The following GOLGA1 variants were observed in gnomAD, a reference collection of about 807,000 sequenced individuals.
The protein encoded by GOLGA1 is golgin subfamily A member 1.
Under a neutral mutation model 119.7 loss-of-function variants are expected in GOLGA1, and 63 were observed. That is an observed-to-expected ratio of 0.53 (90% CI 0.43 to 0.65). The LOEUF (loss-of-function observed/expected upper bound fraction) is 0.65. Ranked by LOEUF, GOLGA1 falls within the 30% of genes least tolerant of loss-of-function variation. GOLGA1 has a pLI of 0.00. For synonymous variants in GOLGA1, 318 were observed against 333.4 expected (o/e 0.95, Z 0.50); for missense variants, 798 against 912.8 (o/e 0.87, Z 1.62).
At chr9:124,885,144 T>C (rs1829689632) in intron 19 of GOLGA1, among the ~76,000 whole-genome samples, 1 of 152,040 alleles carries the variant, frequency 6.6e-6, no homozygotes, top group Non-Finnish European at 1.5e-5. Context: ...CTGGCCAACA[T>C]GGTGAAACCC....
At chr9:124,918,825 T>C (rs987886374) in intron 10 of GOLGA1, among the ~76,000 whole-genome samples, 1 of 152,122 alleles carries the variant, frequency 6.6e-6, no homozygotes, top group Non-Finnish European at 1.5e-5. Context: ...TGACCCCAAA[T>C]GTACTCTCTG....
chr9:124,892,556 T>G (rs1829879612), intron 15 of GOLGA1, among the ~76,000 whole-genome samples: 1 of 152,148 alleles, frequency 6.6e-6, no homozygotes, highest in South Asian at 2.1e-4. Context: ...CAGCTCACTG[T>G]GTGAGCCACT....
intron 17 of GOLGA1, 54 bp from the exon 18 acceptor site, chr9:124,889,357 T>A: frequency 6.2e-7 from 1 of 1,601,444 alleles, no homozygotes; most frequent in Non-Finnish European, 8.6e-7. Context: ...TCCATGCTGC[T>A]TGGTGGCAAG....
chr9:124,922,890 CCAAAA>C (rs773679763), intron 8 of GOLGA1, among the ~76,000 whole-genome samples, 200 bp downstream of exon 8: 17 of 151,590 alleles, frequency 1.1e-4, no homozygotes, highest in Non-Finnish European at 2.4e-4. Context: ...AAAACAAAAC[CCAAAA>C]CAAAACAGAA....
intron 22 of GOLGA1, 47 bp from the exon 23 acceptor site, chr9:124,880,657 GT>G: frequency 8.1e-7 from 1 of 1,233,106 alleles, no homozygotes; most frequent in African/African-American, 1.5e-5. Flanking sequence ...TCAGGACTTG[GT>G]GCCAGGGAAA....
intron 10 of GOLGA1, among the ~76,000 whole-genome samples, chr9:124,918,377 T>C (rs1275849832): frequency 6.6e-6 from 1 of 152,202 alleles, no homozygotes; most frequent in Non-Finnish European, 1.5e-5. Flanking sequence ...ATTTTTAGAA[T>C]GAATGAAGAA....
Position 124,889,251 on chromosome 9 carries a change from G to C in GOLGA1, c.1653C>G (p.Ala551=), listed in dbSNP as rs1469353008. ...CCTCCTCCGCCTTGAGGGTCCTCAG[G>C]GCCTCCAGCTCGGCCTGCAGCTGGT... ...QIHQLQAELE[A]LRTLKAEEAA... Residue 551 remains alanine, a synonymous_variant, in exon 18 of 23, where the codon GCC becomes GCG. Coordinates refer to ENST00000373555, the MANE Select transcript of GOLGA1 (RefSeq NM_002077.4). 1.2e-6 allele frequency: 2 copies of C among 1,613,894 alleles called. No homozygotes were observed. Among genetic ancestry groups the C allele is most frequent in the Non-Finnish European group, 1.7e-6 (2 of 1,179,962 alleles).
At position 124,911,955 on chromosome 9, in the gene GOLGA1, C is replaced by T. The variant is rs1393410333; in HGVS notation, c.915G>A (p.Lys305=). 10 of 1,611,672 alleles carry T rather than the reference C, an allele frequency of 6.2e-6. No homozygotes were observed. Among genetic ancestry groups the T allele is most frequent in the Non-Finnish European group, 8.5e-6 (10 of 1,177,742 alleles). ...CTCCTGATAAGTTCTGTTCTAGTCT[C>T]TTCTCCAAGGATGCAACCTTCTCTT... ...HLQEKVASLE[K]RLEQNLSGEE... is the part of the protein sequence containing the mutation. Residue 305 remains lysine (K), a synonymous_variant, in exon 11 of 23, where the codon AAG becomes AAA. Transcript: ENST00000373555.
intron 10 of GOLGA1, among the ~76,000 whole-genome samples, chr9:124,914,707 T>C (rs1830408013): frequency 1.3e-5 from 2 of 152,188 alleles, no homozygotes; most frequent in African/African-American, 4.8e-5. Flanking sequence ...ACAAGGAAAC[T>C]GAAGCTTAGG....
Position 124,889,306 on chromosome 9 carries a change from A to C in GOLGA1, c.1601-3T>G. ...CTGCAGCAGGGCAGAGTTGTGACCT[A>C]GGTCGGGGAGGAGGGGAGGGGGCAC... On this transcript the variant is annotated splice_region_variant and splice_polypyrimidine_tract_variant and intron_variant, in intron 17 of 22. Coordinates refer to ENST00000373555, the MANE Select transcript of GOLGA1 (RefSeq NM_002077.4). 1 of 1,612,784 alleles carries C rather than the reference A, an allele frequency of 6.2e-7. No individual in the cohort carries two copies. The highest frequency in any genetic ancestry group is 8.5e-7 in the Non-Finnish European group (1 of 1,179,224).
At position 124,881,996 on chromosome 9, in the gene GOLGA1, G is replaced by A; in HGVS notation, c.1966-42C>T. On this transcript the variant is annotated intron_variant, in intron 20 of 22. Coordinates refer to ENST00000373555, the MANE Select transcript of GOLGA1 (RefSeq NM_002077.4). The surrounding 1 kb of genome is among the most constrained non-coding windows in gnomAD (Gnocchi z 4.9). The stretch of plus-strand genomic sequence containing the variant: ...AAAGATGCTACACCGAACCCTCTGA[G>A]ACAGGTGGAAAAAATCACACGGGAG... The A allele has an allele frequency of 1.4e-6, 2 of 1,453,744 alleles. No homozygotes were observed. The highest frequency in any genetic ancestry group is 2.1e-5 in the Admixed American group (1 of 47,822). The allele number at this position is 1,453,744 out of a possible 1,614,324, so 90.1% of individuals were successfully genotyped here. A position where few individuals can be genotyped will look rare whatever the true frequency, so the allele number is the denominator to read the frequency against.
At position 124,880,619 on chromosome 9, in the gene GOLGA1, G is replaced by A; in HGVS notation, c.2224-9C>T. 6.3e-7 allele frequency: 1 copy of A among 1,580,528 alleles called. No homozygotes were observed. Among genetic ancestry groups the A allele is most frequent in the Non-Finnish European group, 8.7e-7 (1 of 1,149,938 alleles). On this transcript the variant is annotated splice_polypyrimidine_tract_variant and intron_variant, in intron 22 of 22. Coordinates refer to ENST00000373555, the MANE Select transcript of GOLGA1 (RefSeq NM_002077.4). ...GACCCAAACCATGACATCTGCATTT[G>A]AAACAGAAAAGGCTTCTGAGATGCA...
At chr9:124,936,153 C>T (rs1445034838) in intron 3 of GOLGA1, among the ~76,000 whole-genome samples, 1 of 152,154 alleles carries the variant, frequency 6.6e-6, no homozygotes, top group Non-Finnish European at 1.5e-5. Flanking sequence ...GAAGGCAAAA[C>T]AGGTCCATCT....
intron 8 of GOLGA1, 139 bp downstream of exon 8, chr9:124,922,956 C>T (rs916306655): frequency 1.3e-5 from 7 of 532,828 alleles, no homozygotes; most frequent in African/African-American, 2.0e-5. Flanking sequence ...TAAAAACATA[C>T]AAATATGATT....
rs569090988 is a variant in GOLGA1, at chr9:124,881,573, G to A, written c.2136+211C>T. ...GCCAGGATTTAGAAGTGGAGCCTATGTCTCCCACCAGGAGCCAGTTCCTGC... is the reference window on the plus strand; with the variant it reads ...GCCAGGATTTAGAAGTGGAGCCTATATCTCCCACCAGGAGCCAGTTCCTGC... On this transcript the variant is annotated intron_variant, in intron 21 of 22. Coordinates refer to ENST00000373555, the MANE Select transcript of GOLGA1 (RefSeq NM_002077.4). This position sits in a 1 kb window ranked among gnomAD's most constrained non-coding sequence, Gnocchi z 4.9. Among the ~76,000 whole-genome samples, 1 of 152,318 alleles carries A rather than the reference G, an allele frequency of 6.6e-6. No homozygotes were observed. Among genetic ancestry groups the A allele is most frequent in the African/African-American group, 2.4e-5 (1 of 41,574 alleles).
upstream of GOLGA1, chr9:124,944,705 CTA>C (rs1045140873): frequency 1.3e-5 from 2 of 152,004 alleles, no homozygotes; most frequent in African/African-American, 4.8e-5. Context: ...GGTTATCCCT[CTA>C]TGGTTTGGAA....
intron 12 of GOLGA1, among the ~76,000 whole-genome samples, chr9:124,906,305 C>T (rs939771160): frequency 1.3e-5 from 2 of 151,430 alleles, no homozygotes; most frequent in East Asian, 3.9e-4. Flanking sequence ...GTGGCACGTG[C>T]CTGTAATCCC....
intron 12 of GOLGA1, among the ~76,000 whole-genome samples, chr9:124,902,745 T>G (rs921472285): frequency 4.6e-5 from 7 of 152,158 alleles, no homozygotes; most frequent in African/African-American, 7.2e-5. Flanking sequence ...CGCCTCAGCC[T>G]CCCAAAGTGC....
intron 10 of GOLGA1, among the ~76,000 whole-genome samples, chr9:124,916,182 A>G (rs1057178077): frequency 6.6e-6 from 1 of 151,690 alleles, no homozygotes; most frequent in African/African-American, 2.4e-5. Context: ...GAATTCCATG[A>G]AAATATTGTG....
Sources: gnomAD v4.1 joint callset for allele counts (sites outside exome capture counted in the v4.1 genomes callset) on GRCh38, gnomAD v4.1.1 for gene constraint, Gnocchi (gnomAD v3.1) non-coding constraint, MANE v1.5 for transcripts, NCBI Gene and HGNC (gene_info 2026-07-23, HGNC 2026-07-21) for gene names.